Variants in CNTN5 observed in about 807,000 individuals in gnomAD.
CNTN5 encodes contactin 5, also known as contactin-5.
In CNTN5, 77 loss-of-function variants were observed where a neutral mutation model predicts 129.1. That is an observed-to-expected ratio of 0.60 (90% CI 0.50 to 0.72). The LOEUF is 0.72. Among genes scored for constraint, CNTN5 ranks in the 30% least tolerant of loss-of-function variants. CNTN5 has a pLI of 0.00. For synonymous variants in CNTN5, 509 were observed against 465.6 expected (o/e 1.09, Z -1.20); for missense variants, 1,478 against 1,328.8 (o/e 1.11, Z -1.75).
intron 8 of CNTN5, among the ~76,000 whole-genome samples, chr11:99,973,451 G>T (rs1474858393): frequency 6.6e-6 from 1 of 152,030 alleles, no homozygotes; most frequent in Non-Finnish European, 1.5e-5. Flanking sequence ...TCTTTCTTTT[G>T]TTAATAAGAG....
chr11:99,210,532 G>A (rs1859715241), intron 1 of CNTN5, among the ~76,000 whole-genome samples: 1 of 152,104 alleles, frequency 6.6e-6, no homozygotes, highest in Non-Finnish European at 1.5e-5. Flanking sequence ...AGATTGGGAA[G>A]TAAGAATTGT....
chr11:100,163,899 C>A (rs1947537592), intron 13 of CNTN5, among the ~76,000 whole-genome samples: 1 of 151,742 alleles, frequency 6.6e-6, no homozygotes, highest in Non-Finnish European at 1.5e-5. Context: ...ATCATTTAGT[C>A]CCCAAATACA....
chr11:100,292,781 G>C (rs887520935), intron 18 of CNTN5, among the ~76,000 whole-genome samples: 1 of 151,916 alleles, frequency 6.6e-6, no homozygotes, highest in Admixed American at 6.6e-5. Context: ...CATAAAATTG[G>C]TTTCCCTAAT....
At chr11:99,156,405 C>T (rs1399257513) in intron 1 of CNTN5, among the ~76,000 whole-genome samples, 12 of 152,036 alleles carry the variant, frequency 7.9e-5, no homozygotes, top group Admixed American at 4.6e-4. Context: ...TTAATTATCA[C>T]TCATTTTAAA....
intron 2 of CNTN5, among the ~76,000 whole-genome samples, chr11:99,470,197 T>C (rs1945118292): frequency 6.6e-6 from 1 of 152,184 alleles, no homozygotes; most frequent in South Asian, 2.1e-4. Context: ...ATATTTCAAT[T>C]TAGTTTATGT....
intron 1 of CNTN5, among the ~76,000 whole-genome samples, chr11:99,219,337 G>A (rs1860285495): frequency 1.3e-5 from 2 of 151,834 alleles, no homozygotes; most frequent in Admixed American, 6.6e-5. Flanking sequence ...TGCTAAAGAG[G>A]CTTAGAAATT....
At chr11:100,228,001 A>T (rs993956842) in intron 16 of CNTN5, among the ~76,000 whole-genome samples, 4 of 152,196 alleles carry the variant, frequency 2.6e-5, no homozygotes, top group African/African-American at 7.2e-5. Context: ...TTTTATAGAA[A>T]TTAATGTTAG....
At chr11:99,884,045 G>A (rs1386496122) in intron 6 of CNTN5, among the ~76,000 whole-genome samples, 1 of 152,122 alleles carries the variant, frequency 6.6e-6, no homozygotes, top group Non-Finnish European at 1.5e-5. Context: ...AAACAAGTTG[G>A]AAGGTAGCTG....
Position 99,845,230 on chromosome 11 carries a change from T to C in CNTN5, c.545T>C (p.Ile182Thr). 1.2e-6 allele frequency: 2 copies of C among 1,613,212 alleles called. No individual in the cohort carries two copies. The highest frequency in any genetic ancestry group is 1.7e-6 in the Non-Finnish European group (2 of 1,179,612). ...QCLATNTVGS[I>T]LSREATLQFA... ...TTAGCAACCAACACTGTGGGGAGTA[T>C]TCTTAGTAGAGAAGCTACACTGCAG... is the stretch of plus-strand genomic sequence containing the variant. The change falls in exon 6 of 25, where the codon ATT becomes ACT. Residue 182 changes from isoleucine (I) to threonine (T), a missense_variant. Coordinates refer to ENST00000524871, the MANE Select transcript of CNTN5 (RefSeq NM_014361.4).
rs148551152 is a variant in CNTN5, at chr11:99,632,377, A to G, written c.55+76108A>G. Among the ~76,000 whole-genome samples the G allele has an allele frequency of 1.4e-4, 21 of 152,188 alleles. No individual in the cohort carries two copies. In the East Asian group the frequency reaches 2.9e-3, roughly 21 times the overall value. ...AGTTCTGTGATTATGCTTAGGGTAA[A>G]CATGTCATTTTTCCCATTTCACAGC... On this transcript the variant is annotated intron_variant, in intron 3 of 24. Transcript: ENST00000524871.
At chr11:100,332,106 G>A (rs1429374041) in intron 21 of CNTN5, among the ~76,000 whole-genome samples, 1 of 151,984 alleles carries the variant, frequency 6.6e-6, no homozygotes, top group Non-Finnish European at 1.5e-5. Flanking sequence ...AACAAGAAAA[G>A]AAGAGAGAAG....
At chr11:100,094,068 T>C (rs1944896973) in intron 13 of CNTN5, among the ~76,000 whole-genome samples, 1 of 152,106 alleles carries the variant, frequency 6.6e-6, no homozygotes, top group Non-Finnish European at 1.5e-5. Flanking sequence ...TTAATTACAT[T>C]GTTACATCTG....
chr11:99,487,796 A>C (rs1945874263), intron 2 of CNTN5, among the ~76,000 whole-genome samples: 1 of 152,196 alleles, frequency 6.6e-6, no homozygotes, highest in Non-Finnish European at 1.5e-5. Context: ...GCTCCTTATA[A>C]CAAAATATAT....
chr11:100,113,570 A>T (rs1591268735), intron 13 of CNTN5, among the ~76,000 whole-genome samples: 1 of 152,110 alleles, frequency 6.6e-6, no homozygotes, highest in East Asian at 1.9e-4. Flanking sequence ...TATTGTTCAA[A>T]AGTTATTAAA....
chr11:99,040,508 A>G (rs1165937526), intron 1 of CNTN5, among the ~76,000 whole-genome samples: 1 of 152,148 alleles, frequency 6.6e-6, no homozygotes, highest in Non-Finnish European at 1.5e-5. Context: ...AGTTAATTTC[A>G]TTTCTTTTCA....
At chr11:99,637,572 A>T (rs1951608724) in intron 3 of CNTN5, among the ~76,000 whole-genome samples, 1 of 152,160 alleles carries the variant, frequency 6.6e-6, no homozygotes, top group South Asian at 2.1e-4. Context: ...AAATAATTTT[A>T]AAAATCAGTA....
intron 3 of CNTN5, among the ~76,000 whole-genome samples, chr11:99,794,073 C>T (rs1356805801): frequency 1.3e-5 from 2 of 151,980 alleles, no homozygotes; most frequent in Non-Finnish European, 2.9e-5. Context: ...TCTCTAAGAG[C>T]TTGCTTTTGA....
chr11:100,150,733 G>A (rs1591319546), intron 13 of CNTN5, among the ~76,000 whole-genome samples: 1 of 151,944 alleles, frequency 6.6e-6, no homozygotes, highest in East Asian at 1.9e-4. Context: ...ACTCGGCTAA[G>A]GCTTTTTGCC....
At chr11:99,549,441 A>C (rs1036875419) in intron 2 of CNTN5, among the ~76,000 whole-genome samples, 1 of 152,182 alleles carries the variant, frequency 6.6e-6, no homozygotes. Context: ...CTTCCAAAGC[A>C]GCCATATACA....
Sources: gnomAD v4.1 joint callset for allele counts (sites outside exome capture counted in the v4.1 genomes callset) on GRCh38, gnomAD v4.1.1 for gene constraint, MANE v1.5 for transcripts, NCBI Gene and HGNC (gene_info 2026-07-23, HGNC 2026-07-21) for gene names.